The following CSMD3 variants were observed in gnomAD, a reference collection of about 807,000 sequenced individuals.
CSMD3 encodes the protein CUB and Sushi multiple domains 3.
In CSMD3, 177 loss-of-function variants were observed where a neutral mutation model predicts 435.2. That is an observed-to-expected ratio of 0.41 (90% CI 0.36 to 0.46). The LOEUF (loss-of-function observed/expected upper bound fraction) is 0.46. Among genes scored for constraint, CSMD3 ranks in the 20% least tolerant of loss-of-function variants. The pLI, the probability that CSMD3 is intolerant of heterozygous loss-of-function variation, is 0.34. For missense variants in CSMD3, 4,265 were observed against 4,504.6 expected (o/e 0.95, Z 1.52); for synonymous variants, 1,656 against 1,520.5 (o/e 1.09, Z -2.07).
chr8:112,375,803 A>T (rs1480420383), intron 38 of CSMD3, among the ~76,000 whole-genome samples: 1 of 152,176 alleles, frequency 6.6e-6, no homozygotes, highest in Non-Finnish European at 1.5e-5. Context: ...ATTATGAATG[A>T]CTATCAAAAC....
chr8:113,408,600 G>T (rs2094543440), intron 1 of CSMD3, among the ~76,000 whole-genome samples: 2 of 151,320 alleles, frequency 1.3e-5, no homozygotes, highest in African/African-American at 4.8e-5. Flanking sequence ...ATAAAAAGGT[G>T]CAGGCAAAGA....
intron 27 of CSMD3, among the ~76,000 whole-genome samples, chr8:112,530,244 A>G (rs574941819): frequency 3.7e-4 from 57 of 152,294 alleles, no homozygotes; most frequent in Non-Finnish European, 6.8e-4. Flanking sequence ...TACTCAAATA[A>G]ATAATAGCTA....
chr8:112,762,966 T>C (rs1467069112), intron 13 of CSMD3, among the ~76,000 whole-genome samples: 2 of 151,696 alleles, frequency 1.3e-5, no homozygotes, highest in African/African-American at 2.4e-5. Flanking sequence ...ATAGAACTAA[T>C]TAGTTCAAGC....
intron 1 of CSMD3, among the ~76,000 whole-genome samples, chr8:113,419,848 A>C (rs2094601512): frequency 6.6e-6 from 1 of 152,088 alleles, no homozygotes; most frequent in African/African-American, 2.4e-5. Flanking sequence ...TCATTTAACT[A>C]TTTATAACTC....
At chr8:112,747,760 G>C (rs1175488165) in intron 13 of CSMD3, among the ~76,000 whole-genome samples, 1 of 152,036 alleles carries the variant, frequency 6.6e-6, no homozygotes, top group Admixed American at 6.5e-5. Flanking sequence ...CGGATCACGA[G>C]GTCAGGAGAT....
At chr8:112,557,123 T>A (rs889355203) in intron 24 of CSMD3, among the ~76,000 whole-genome samples, 169 bp from the exon 25 acceptor site, 1 of 151,978 alleles carries the variant, frequency 6.6e-6, no homozygotes, top group African/African-American at 2.4e-5. Flanking sequence ...CAGACCTTTT[T>A]TTTTCTTGAA....
At position 112,455,136 on chromosome 8, in the gene CSMD3, G is replaced by T. The variant is rs1011675891; in HGVS notation, c.5395+17455C>A. On this transcript the variant is annotated intron_variant, in intron 32 of 70. Coordinates refer to ENST00000297405, the MANE Select transcript of CSMD3 (RefSeq NM_198123.2). ...AAATTGTTCTACCAAAGAGACACAT[G>T]CATTCATGTTCATCACAGTACTATT... 2.0e-5 allele frequency among the ~76,000 whole-genome samples: 3 copies of T among 152,064 alleles called. No homozygotes were observed. The East Asian group carries it at 5.8e-4, about 29-fold the overall frequency.
intron 41 of CSMD3, among the ~76,000 whole-genome samples, chr8:112,343,602 CTG>C (rs1825383821): frequency 6.6e-6 from 1 of 152,150 alleles, no homozygotes; most frequent in Non-Finnish European, 1.5e-5. Context: ...CTGCAGCAGA[CTG>C]ACATTCTTTG....
In CSMD3 at chr8:112,517,188, G is replaced by A. The variant is rs746629796; in HGVS notation, c.4602C>T (p.Pro1534=). ...CATCCCCATTTCGAGTCCCATTCATGGGGACCCCTGGGTCACGACACGCAG... is the reference window on the plus strand; with the variant it reads ...CATCCCCATTTCGAGTCCCATTCATAGGGACCCCTGGGTCACGACACGCAG... ...VATACRDPGV[P]MNGTRNGDGR... The change falls in exon 28 of 71, where the codon CCC becomes CCT. Residue 1534 remains proline, a synonymous_variant. Transcript: ENST00000297405. 82 of 1,613,520 alleles carry A rather than the reference G, an allele frequency of 5.1e-5. No individual in the cohort carries two copies. Among genetic ancestry groups the A allele is most frequent in the Non-Finnish European group, 6.9e-5 (81 of 1,179,848 alleles).
chr8:113,295,592 T>C (rs2093715020), intron 2 of CSMD3, among the ~76,000 whole-genome samples: 1 of 152,104 alleles, frequency 6.6e-6, no homozygotes, highest in Non-Finnish European at 1.5e-5. Flanking sequence ...GAGTTTAAAA[T>C]AGAATAGTAG....
At chr8:113,300,702 G>C (rs1044993375) in intron 2 of CSMD3, among the ~76,000 whole-genome samples, 4 of 151,978 alleles carry the variant, frequency 2.6e-5, no homozygotes, top group African/African-American at 9.7e-5. Flanking sequence ...GGGAAGGAGG[G>C]TGGGAATATA....
At chr8:113,128,928 C>CT (rs1456953532) in intron 4 of CSMD3, among the ~76,000 whole-genome samples, 1 of 152,032 alleles carries the variant, frequency 6.6e-6, no homozygotes, top group African/African-American at 2.4e-5. Flanking sequence ...GATACTTTAT[C>CT]AAATTGCAAA....
At chr8:113,399,080 T>C (rs1332855313) in intron 1 of CSMD3, among the ~76,000 whole-genome samples, 1 of 59,496 alleles carries the variant, frequency 1.7e-5, no homozygotes, top group East Asian at 1.0e-3. Flanking sequence ...GGATAGTTCA[T>C]ATATATATAT....
intron 23 of CSMD3, among the ~76,000 whole-genome samples, chr8:112,580,539 A>G (rs1269467160): frequency 3.4e-4 from 3 of 8,850 alleles, no homozygotes; most frequent in African/African-American, 2.3e-3. Context: ...AAGAGGTAGG[A>G]AAAAAAAAAA....
In CSMD3 at chr8:113,066,069, T is replaced by TA. The variant is rs1209546595; in HGVS notation, c.917+32686dup. On this transcript the variant is annotated intron_variant, in intron 5 of 70. Transcript: ENST00000297405. Reference sequence around the variant, plus strand: ...TTTTTTTTCTGAGAGGTGTGCACAATAAAAAAGTTTGGAAACCCTTATTCT... The same window carrying TA: ...TTTTTTTTCTGAGAGGTGTGCACAATAAAAAAAGTTTGGAAACCCTTATTCT... 4.7e-5 allele frequency among the ~76,000 whole-genome samples: 6 copies of TA among 127,158 alleles called. No individual in the cohort carries two copies. The East Asian group carries it at 1.3e-3, about 29-fold the overall frequency. 83.4% of individuals were successfully genotyped at this position (127,158 alleles called of 152,430 possible). A position where few individuals can be genotyped will look rare whatever the true frequency, so the allele number is the denominator to read the frequency against.
chr8:113,211,396 C>T (rs752370055), intron 3 of CSMD3, among the ~76,000 whole-genome samples: 3 of 152,046 alleles, frequency 2.0e-5, no homozygotes, highest in East Asian at 1.9e-4. Flanking sequence ...AAACAAGGAC[C>T]GTAATACCTA....
At chr8:112,892,910 C>T (rs886252267) in intron 10 of CSMD3, among the ~76,000 whole-genome samples, 6 of 151,410 alleles carry the variant, frequency 4.0e-5, no homozygotes, top group African/African-American at 1.2e-4. Flanking sequence ...CATTCAATCT[C>T]CAGAGCCCAG....
At chr8:113,348,963 A>G (rs758585927) in intron 1 of CSMD3, among the ~76,000 whole-genome samples, 46 of 152,248 alleles carry the variant, frequency 3.0e-4, no homozygotes, top group South Asian at 1.0e-3. Flanking sequence ...TACGTACTGA[A>G]TAATGTTACT....
intron 70 of CSMD3, among the ~76,000 whole-genome samples, chr8:112,228,169 C>A (rs1306154510): frequency 6.6e-6 from 1 of 152,114 alleles, no homozygotes; most frequent in African/African-American, 2.4e-5. Flanking sequence ...GTAAAGCACT[C>A]ACCAGGATTT....
Sources: allele counts gnomAD v4.1 joint callset (sites outside exome capture counted in the v4.1 genomes callset), GRCh38; gene constraint gnomAD v4.1.1; transcripts MANE v1.5; gene names NCBI Gene and HGNC (gene_info 2026-07-23, HGNC 2026-07-21).